The following GHR variants were observed in gnomAD, a reference collection of about 807,000 sequenced individuals.
The protein encoded by GHR is growth hormone receptor, also known as GH receptor.
GHR carries 35 observed loss-of-function variants against 67.1 expected under a neutral mutation model. The ratio of observed to expected loss-of-function variants is 0.52; its 90% CI spans 0.40 to 0.69. The LOEUF is 0.69. Ranked by LOEUF, GHR falls within the 30% of genes least tolerant of loss-of-function variation. The pLI is 0.00. For synonymous variants in GHR, 272 were observed against 269.1 expected (o/e 1.01, Z -0.10); for missense variants, 792 against 764.6 (o/e 1.04, Z -0.42).
chr5:42,545,452 C>T (rs929849247), intron 1 of GHR, among the ~76,000 whole-genome samples: 4 of 152,018 alleles, frequency 2.6e-5, no homozygotes, highest in East Asian at 1.9e-4. Flanking sequence ...AAAAGGAATC[C>T]AGAATTTATT....
rs79994509 is a variant in GHR, at chr5:42,528,162, C to T, written c.-11-37702C>T. 6.5e-3 allele frequency among the ~76,000 whole-genome samples: 983 copies of T among 152,094 alleles called. 9 individuals carry two copies. The highest frequency in any genetic ancestry group is 0.027 in the Middle Eastern group (8 of 292). On this transcript the variant is annotated intron_variant, in intron 1 of 9. Coordinates refer to ENST00000230882, the MANE Select transcript of GHR (RefSeq NM_000163.5). ...CAAGGAGTAATTTTGGCCTTTAAGT[C>T]TTATTATTTAAGAAATACATCTTGT...
chr5:42,540,180 G>A (rs1748438878), intron 1 of GHR, among the ~76,000 whole-genome samples: 1 of 107,774 alleles, frequency 9.3e-6, no homozygotes, highest in Non-Finnish European at 1.9e-5. Context: ...ATGTGTTACT[G>A]TATTCTCTCT....
At chr5:42,566,831 T>A (rs973975679) in intron 2 of GHR, among the ~76,000 whole-genome samples, 1 of 152,192 alleles carries the variant, frequency 6.6e-6, no homozygotes, top group Non-Finnish European at 1.5e-5. Context: ...GAAAACACAG[T>A]TTAACAGCAG....
intron 1 of GHR, among the ~76,000 whole-genome samples, chr5:42,541,621 TA>T (rs1748521954): frequency 6.6e-6 from 1 of 151,916 alleles, no homozygotes; most frequent in African/African-American, 2.4e-5. Context: ...GTGTTGGGAA[TA>T]AGGAGATTCA....
At chr5:42,526,854 A>C (rs558236559) in intron 1 of GHR, among the ~76,000 whole-genome samples, 1 of 152,350 alleles carries the variant, frequency 6.6e-6, no homozygotes, top group African/African-American at 2.4e-5. Context: ...GTCACCTACA[A>C]AAGGAACCCC....
intron 2 of GHR, among the ~76,000 whole-genome samples, chr5:42,607,064 G>T (rs1171362180): frequency 1.3e-5 from 2 of 152,112 alleles, no homozygotes; most frequent in Non-Finnish European, 2.9e-5. Context: ...AGCTGATGAA[G>T]TTTTAAAGGT....
intron 1 of GHR, among the ~76,000 whole-genome samples, chr5:42,512,679 A>G (rs1579846732): frequency 1.3e-5 from 2 of 152,240 alleles, no homozygotes; most frequent in East Asian, 1.9e-4. Context: ...CTTTTCAGCA[A>G]TGCTTACACT....
intron 1 of GHR, among the ~76,000 whole-genome samples, chr5:42,493,986 C>A (rs1746219667): frequency 6.6e-6 from 1 of 152,114 alleles, no homozygotes; most frequent in Non-Finnish European, 1.5e-5. Context: ...GAAAATGAAC[C>A]TTAAAGCTTC....
chr5:42,498,295 CA>C (rs914690108), intron 1 of GHR, among the ~76,000 whole-genome samples: 2 of 152,128 alleles, frequency 1.3e-5, no homozygotes, highest in African/African-American at 4.8e-5. Flanking sequence ...TAGCTAGCAG[CA>C]AATAAGTCTG....
intron 1 of GHR, among the ~76,000 whole-genome samples, chr5:42,439,432 G>A (rs1431587538): frequency 2.6e-5 from 4 of 152,150 alleles, no homozygotes; most frequent in African/African-American, 7.2e-5. Context: ...AAAGCTCAGA[G>A]GTCAAGTCAT....
intron 6 of GHR, among the ~76,000 whole-genome samples, chr5:42,708,957 C>A (rs1041610975): frequency 7.2e-5 from 11 of 151,952 alleles, no homozygotes; most frequent in African/African-American, 2.7e-4. Context: ...GGACAAAGAC[C>A]AGGGGCTTAT....
At chr5:42,495,234 T>C (rs1474797592) in intron 1 of GHR, among the ~76,000 whole-genome samples, 2 of 152,040 alleles carry the variant, frequency 1.3e-5, no homozygotes, top group African/African-American at 4.8e-5. Flanking sequence ...CCACTTAGTC[T>C]ATCTAGTAAG....
intron 4 of GHR, among the ~76,000 whole-genome samples, chr5:42,689,997 C>T (rs146634250): frequency 1.5e-3 from 222 of 152,278 alleles, no homozygotes; most frequent in African/African-American, 5.1e-3. Flanking sequence ...TTCCCCTTCA[C>T]CTGGCATTAT....
intron 3 of GHR, among the ~76,000 whole-genome samples, chr5:42,654,438 A>T (rs1202103266): frequency 6.6e-6 from 1 of 152,084 alleles, no homozygotes; most frequent in East Asian, 1.9e-4. Context: ...CTCTCCTTAA[A>T]CTTATCCAGT....
rs1254833943 is a variant in GHR, at chr5:42,718,253, T to A, written c.945+132T>A. ...CTTGTGTCTCTTCTCCTGGAGAAAATTTTTTTAAATATTCTATTTCTTAAA... is the reference window on the plus strand; with the variant it reads ...CTTGTGTCTCTTCTCCTGGAGAAAAATTTTTTAAATATTCTATTTCTTAAA... On this transcript the variant is annotated intron_variant, in intron 9 of 9. Coordinates refer to ENST00000230882, the MANE Select transcript of GHR (RefSeq NM_000163.5). 3 of 713,216 alleles carry A rather than the reference T, an allele frequency of 4.2e-6. No individual in the cohort carries two copies. In the African/African-American group the frequency reaches 5.7e-5, roughly 14 times the overall value. The allele number at this position is 713,216 out of a possible 1,614,324, so 44.2% of individuals were successfully genotyped here. A position where few individuals can be genotyped will look rare whatever the true frequency, so the allele number is the denominator to read the frequency against.
rs534754450 is a variant in GHR, at chr5:42,613,083, T to C, written c.71-15955T>C. On this transcript the variant is annotated intron_variant, in intron 2 of 9. Transcript: ENST00000230882. Reference sequence around the variant, plus strand: ...TTTCAAATTCTACATAAATGCATAATATTATTTCTGATTGTGCTTTCTTGG... The same window carrying C: ...TTTCAAATTCTACATAAATGCATAACATTATTTCTGATTGTGCTTTCTTGG... 1.2e-4 allele frequency among the ~76,000 whole-genome samples: 19 copies of C among 152,292 alleles called. 1 individual carries two copies. The South Asian group carries it at 3.7e-3, about 30-fold the overall frequency.
rs367795092 is a variant in GHR at position 42,709,487 on chromosome 5, C to G, written c.619-1720C>G. Among the ~76,000 whole-genome samples the G allele has an allele frequency of 4.9e-4, 75 of 152,208 alleles. 2 individuals carry two copies. In the South Asian group the frequency reaches 0.015, roughly 31 times the overall value. ...TTTTGCATGACCATGTGGTTGTTTA[C>G]AGCTATTTATCTAGTAAACCAATAA... On this transcript the variant is annotated intron_variant, in intron 6 of 9. Coordinates refer to ENST00000230882, the MANE Select transcript of GHR (RefSeq NM_000163.5).
chr5:42,626,288 G>A (rs1753699826), intron 2 of GHR, among the ~76,000 whole-genome samples: 1 of 152,142 alleles, frequency 6.6e-6, no homozygotes, highest in Non-Finnish European at 1.5e-5. Flanking sequence ...GCAAGTAATA[G>A]GTTGTTACCT....
At chr5:42,532,123 A>T (rs945903458) in intron 1 of GHR, among the ~76,000 whole-genome samples, 4 of 152,008 alleles carry the variant, frequency 2.6e-5, no homozygotes, top group African/African-American at 9.7e-5. Flanking sequence ...GGAATCTGTG[A>T]AGAAAATGCT....
Sources: allele counts gnomAD v4.1 joint callset (sites outside exome capture counted in the v4.1 genomes callset), GRCh38; gene constraint gnomAD v4.1.1; transcripts MANE v1.5; gene names NCBI Gene and HGNC (gene_info 2026-07-23, HGNC 2026-07-21).